The following NCKAP5 variants were observed in gnomAD, a reference collection of about 807,000 sequenced individuals.
NCKAP5 encodes nck-associated protein 5.
Under a neutral mutation model 167.0 loss-of-function variants are expected in NCKAP5, and 92 were observed. The ratio of observed to expected loss-of-function variants is 0.55; its 90% CI spans 0.47 to 0.66. The LOEUF is 0.66. Among genes scored for constraint, NCKAP5 ranks in the 30% least tolerant of loss-of-function variants. The pLI is 0.00. For missense variants in NCKAP5, 2,378 were observed against 2,315.0 expected (o/e 1.03, Z -0.56); for synonymous variants, 891 against 877.4 (o/e 1.02, Z -0.27).
the NCKAP5 span, among the ~76,000 whole-genome samples, chr2:133,584,676 A>T: frequency 6.6e-6 from 1 of 152,110 alleles, no homozygotes; most frequent in East Asian, 1.9e-4. Flanking sequence ...AGGCAGGAGA[A>T]TTGCTTGAAC....
chr2:132,677,731 T>C (rs1684674192), intron 19 of NCKAP5, among the ~76,000 whole-genome samples: 1 of 151,910 alleles, frequency 6.6e-6, no homozygotes, highest in South Asian at 2.1e-4. Context: ...AAGACAGAAA[T>C]TGAGACGTGC....
chr2:132,731,641 A>G lies in NCKAP5; in HGVS notation c.5443+96T>C. 9.1e-6 allele frequency: 12 copies of G among 1,314,794 alleles called. No individual in the cohort carries two copies. The South Asian group carries it at 1.6e-4, about 18-fold the overall frequency. The allele number at this position is 1,314,794 out of a possible 1,614,324, so 81.4% of individuals were successfully genotyped here. ...GGAATTTTCACATATCTACATTTTTATCAGGCAGGTCACTGACTTACTCAT... is the reference window on the plus strand; with the variant it reads ...GGAATTTTCACATATCTACATTTTTGTCAGGCAGGTCACTGACTTACTCAT... On this transcript the variant is annotated intron_variant, in intron 17 of 19. Coordinates refer to ENST00000409261, the MANE Select transcript of NCKAP5 (RefSeq NM_207363.3).
intron 17 of NCKAP5, 129 bp from the exon 18 acceptor site, chr2:132,729,081 T>C: frequency 8.1e-7 from 1 of 1,239,252 alleles, no homozygotes; most frequent in Non-Finnish European, 1.1e-6. Flanking sequence ...CTGGGCTTCC[T>C]GCCACTCTGT....
chr2:133,070,609 T>C (rs1396636390), intron 6 of NCKAP5, among the ~76,000 whole-genome samples: 1 of 152,200 alleles, frequency 6.6e-6, no homozygotes, highest in African/African-American at 2.4e-5. Flanking sequence ...AGAGGACAGC[T>C]GACTTCTTAA....
intron 5 of NCKAP5, among the ~76,000 whole-genome samples, chr2:133,132,516 C>CACACAA (rs374197642): frequency 0.042 from 6,083 of 146,162 alleles, 131 homozygotes; most frequent in African/African-American, 0.053. Context: ...CACACACACA[C>CACACAA]AAACCCTGAT....
chr2:133,160,907 C>T (rs1200226529), intron 5 of NCKAP5, among the ~76,000 whole-genome samples: 2 of 152,066 alleles, frequency 1.3e-5, no homozygotes, highest in Non-Finnish European at 2.9e-5. Flanking sequence ...TTAGTAATCA[C>T]TGAACTGATA....
chr2:133,328,657 G>A (rs1299997791), intron 3 of NCKAP5, among the ~76,000 whole-genome samples: 3 of 152,146 alleles, frequency 2.0e-5, no homozygotes, highest in Non-Finnish European at 2.9e-5. Flanking sequence ...CTGTGAACTC[G>A]ATTATGATAT....
At chr2:133,282,919 A>C (rs959002650) in intron 4 of NCKAP5, among the ~76,000 whole-genome samples, 3 of 152,212 alleles carry the variant, frequency 2.0e-5, no homozygotes, top group Admixed American at 1.3e-4. Flanking sequence ...ATGATCATCC[A>C]TATGTATTAA....
chr2:132,896,315 C>T (rs1339754672), intron 8 of NCKAP5, among the ~76,000 whole-genome samples: 1 of 152,222 alleles, frequency 6.6e-6, no homozygotes, highest in Non-Finnish European at 1.5e-5. Context: ...TGTTTGGTTT[C>T]TCTGTAGAGA....
intron 3 of NCKAP5, among the ~76,000 whole-genome samples, chr2:133,482,044 C>T (rs1043734572): frequency 6.6e-6 from 1 of 152,070 alleles, no homozygotes; most frequent in Non-Finnish European, 1.5e-5. Flanking sequence ...CTTATGTTCA[C>T]GTTTTTTAAT....
chr2:133,153,770 GC>G (rs756202538), intron 5 of NCKAP5, among the ~76,000 whole-genome samples: 1 of 148,008 alleles, frequency 6.8e-6, no homozygotes, highest in Non-Finnish European at 1.5e-5. Flanking sequence ...ACCCCTAATC[GC>G]CTTAGTTTAG....
At chr2:133,072,568 T>C (rs2080453317) in intron 6 of NCKAP5, among the ~76,000 whole-genome samples, 1 of 152,016 alleles carries the variant, frequency 6.6e-6, no homozygotes, top group African/African-American at 2.4e-5. Flanking sequence ...AAGTCGTGAG[T>C]TCTTCAAGAG....
At chr2:133,257,418 A>G (rs2088671330) in intron 4 of NCKAP5, among the ~76,000 whole-genome samples, 1 of 152,234 alleles carries the variant, frequency 6.6e-6, no homozygotes, top group African/African-American at 2.4e-5. Flanking sequence ...AAATACAGAG[A>G]ACAAATGAGT....
At chr2:133,052,724 A>G (rs543499517) in intron 6 of NCKAP5, among the ~76,000 whole-genome samples, 11 of 152,214 alleles carry the variant, frequency 7.2e-5, no homozygotes, top group African/African-American at 2.4e-4. Flanking sequence ...GTCACAAAAA[A>G]AAAAAAAAGG....
At chr2:133,270,218 T>C (rs1005162468) in intron 4 of NCKAP5, among the ~76,000 whole-genome samples, 3 of 152,156 alleles carry the variant, frequency 2.0e-5, no homozygotes, top group African/African-American at 7.2e-5. Context: ...AATTGTACCA[T>C]GATTGTGGTG....
In NCKAP5 at chr2:132,954,686, T is replaced by C. The variant is rs143155608; in HGVS notation, c.579+9034A>G. 2,793 of 452,420 alleles carry C rather than the reference T, an allele frequency of 6.2e-3. 24 individuals carry two copies. The highest frequency in any genetic ancestry group is 0.01 in the Middle Eastern group (30 of 2,978). 28.0% of individuals were successfully genotyped at this position (452,420 alleles called of 1,614,324 possible). A position where few individuals can be genotyped will look rare whatever the true frequency, so the allele number is the denominator to read the frequency against. ...GTATACAGTGATATTTCATATATCC[T>C]AATTTGATTAGGTACAATAATAACA... On this transcript the variant is annotated intron_variant, in intron 8 of 19. Coordinates refer to ENST00000409261, the MANE Select transcript of NCKAP5 (RefSeq NM_207363.3).
intron 6 of NCKAP5, among the ~76,000 whole-genome samples, chr2:133,033,959 G>C (rs1486771121): frequency 3.9e-5 from 6 of 152,058 alleles, no homozygotes; most frequent in African/African-American, 1.4e-4. Flanking sequence ...TTTATTCAAA[G>C]GGATAACAGA....
chr2:133,095,644 C>T (rs2081323068), intron 6 of NCKAP5, among the ~76,000 whole-genome samples: 2 of 152,302 alleles, frequency 1.3e-5, no homozygotes, highest in South Asian at 4.1e-4. Context: ...GCCGGGCAAC[C>T]CAGACAACTG....
chr2:133,593,977 C>T, the NCKAP5 span, among the ~76,000 whole-genome samples: 1 of 152,214 alleles, frequency 6.6e-6, no homozygotes, highest in African/African-American at 2.4e-5. Context: ...AGACCAGGCC[C>T]AGGTGGAGCC....
Sources: allele counts gnomAD v4.1 joint callset (sites outside exome capture counted in the v4.1 genomes callset), GRCh38; gene constraint gnomAD v4.1.1; transcripts MANE v1.5; gene names NCBI Gene and HGNC (gene_info 2026-07-23, HGNC 2026-07-21).